COLEC12: variants seen among roughly 807,000 people sequenced by gnomAD.
COLEC12 encodes the protein collectin-12.
Under a neutral mutation model 71.1 loss-of-function variants are expected in COLEC12, and 33 were observed. The observed-to-expected ratio is 0.46, with a 90% CI of 0.35 to 0.62. The LOEUF is 0.62. COLEC12 is among the 20% of genes least tolerant of loss of function. COLEC12 has a pLI of 0.00. For synonymous variants in COLEC12, 350 were observed against 353.0 expected (o/e 0.99, Z 0.10); for missense variants, 765 against 916.1 (o/e 0.84, Z 2.13).
At chr18:384,711 T>A (rs1319891164) in intron 2 of COLEC12, among the ~76,000 whole-genome samples, 1 of 152,198 alleles carries the variant, frequency 6.6e-6, no homozygotes, top group Non-Finnish European at 1.5e-5. Flanking sequence ...CCATGACCTT[T>A]AAGGTCCTGT....
chr18:395,834 C>G (rs1915559497), intron 2 of COLEC12, among the ~76,000 whole-genome samples: 1 of 152,196 alleles, frequency 6.6e-6, no homozygotes, highest in Admixed American at 6.5e-5. Context: ...TTCCCCCCAT[C>G]CATCCTCTTG....
rs546212121 is a variant in COLEC12 at position 433,406 on chromosome 18, A to G, written c.58+47301T>C. Among the ~76,000 whole-genome samples the G allele has an allele frequency of 5.9e-5, 9 of 152,278 alleles. No homozygotes were observed. In the Middle Eastern group the frequency reaches 0.01, roughly 173 times the overall value. ...CCAAACCAAGGATGCCTGGGGCTTC[A>G]TCTGAGGCAGGACTGGTAAGTCCCG... On this transcript the variant is annotated intron_variant, in intron 2 of 9. Coordinates refer to ENST00000400256, the MANE Select transcript of COLEC12 (RefSeq NM_130386.3).
chr18:336,060 C>T lies in COLEC12; in HGVS notation c.1328-830G>A, dbSNP rs116386285. ...ATTTATTAAAGGCTTATATGACAAG[C>T]ACCGTGTTAAGGTATTGTGGGATAA... On this transcript the variant is annotated intron_variant, in intron 5 of 9. Transcript: ENST00000400256. 8.0e-3 allele frequency among the ~76,000 whole-genome samples: 1,226 copies of T among 152,320 alleles called. 15 individuals carry two copies. Among genetic ancestry groups the T allele is most frequent in the African/African-American group, 0.028 (1,171 of 41,558 alleles).
chr18:480,631 G>A lies in COLEC12; in HGVS notation c.58+76C>T. The A allele has an allele frequency of 1.5e-6, 2 of 1,327,496 alleles. No homozygotes were observed. The highest frequency in any genetic ancestry group is 1.7e-5 in the Admixed American group (1 of 59,628). 82.2% of individuals were successfully genotyped at this position (1,327,496 alleles called of 1,614,324 possible). A position where few individuals can be genotyped will look rare whatever the true frequency, so the allele number is the denominator to read the frequency against. Reference sequence around the variant, plus strand: ...TGCATGAAGGGCCTGCCAGTGGCCTGCCAATGGTCTCTGAGGGTTCGTGGC... The same window carrying A: ...TGCATGAAGGGCCTGCCAGTGGCCTACCAATGGTCTCTGAGGGTTCGTGGC... On this transcript the variant is annotated intron_variant, in intron 2 of 9. Transcript: ENST00000400256. The surrounding 1 kb of genome is among the most constrained non-coding windows in gnomAD (Gnocchi z 4.1).
chr18:342,813 C>T (rs1192068738), intron 5 of COLEC12, among the ~76,000 whole-genome samples: 1 of 152,158 alleles, frequency 6.6e-6, no homozygotes, highest in Non-Finnish European at 1.5e-5. Context: ...AACAACAAGA[C>T]CAGTGATAAA....
At chr18:417,522 G>A (rs1027834879) in intron 2 of COLEC12, among the ~76,000 whole-genome samples, 6 of 152,026 alleles carry the variant, frequency 3.9e-5, no homozygotes, top group East Asian at 3.9e-4. Context: ...AAGGACCACC[G>A]CCAAGCCACA....
chr18:437,155 G>C lies in COLEC12; in HGVS notation c.58+43552C>G, dbSNP rs142515056. Among the ~76,000 whole-genome samples the C allele has an allele frequency of 3.6e-4, 55 of 152,262 alleles. 1 individual carries two copies. The highest frequency in any genetic ancestry group is 1.3e-3 in the African/African-American group (53 of 41,554). ...GCCCAACCAAGGCCTCTCTTACCAGGACCCTACATTTTCAGAAAATAGCTC... is the reference window on the plus strand; with the variant it reads ...GCCCAACCAAGGCCTCTCTTACCAGCACCCTACATTTTCAGAAAATAGCTC... On this transcript the variant is annotated intron_variant, in intron 2 of 9. Transcript: ENST00000400256.
At chr18:395,312 T>A (rs1915546821) in intron 2 of COLEC12, among the ~76,000 whole-genome samples, 1 of 152,208 alleles carries the variant, frequency 6.6e-6, no homozygotes, top group Admixed American at 6.5e-5. Context: ...GCACATTTAG[T>A]TGAGAGTGTT....
At chr18:402,935 G>T (rs187588972) in intron 2 of COLEC12, among the ~76,000 whole-genome samples, 1 of 152,232 alleles carries the variant, frequency 6.6e-6, no homozygotes, top group Non-Finnish European at 1.5e-5. Flanking sequence ...CCCTTCAAAA[G>T]GGGTTTTCAA....
chr18:321,796 G>A lies in COLEC12; in HGVS notation c.2075C>T (p.Ala692Val), dbSNP rs1390595699. ...ATGACCCCAGTTATCCGGCTGTCCA[G>A]CTTTCCAATTTCTTTTAGCAAAACA... ...GTSPDYKNWKAGQPDNWGHGH... is the reference protein window; with the variant it reads ...GTSPDYKNWKVGQPDNWGHGH... Residue 692 changes from alanine to valine, a missense_variant, in exon 9 of 10, where the codon GCT becomes GTT. Transcript: ENST00000400256. 1 of 1,613,352 alleles carries A rather than the reference G, an allele frequency of 6.2e-7. No individual in the cohort carries two copies. The highest frequency in any genetic ancestry group is 2.2e-5 in the East Asian group (1 of 44,890).
chr18:472,678 CAAAAA>C (rs765169609), intron 2 of COLEC12, among the ~76,000 whole-genome samples: 39 of 93,644 alleles, frequency 4.2e-4, no homozygotes, highest in African/African-American at 1.4e-3. Context: ...GGCCCTGTGA[CAAAAA>C]AAAAAAAAAA....
At position 500,127 on chromosome 18, in the gene COLEC12, C is replaced by T. The variant is rs913167327; in HGVS notation, c.7+381G>A. Among the ~76,000 whole-genome samples, 1 of 148,492 alleles carries T rather than the reference C, an allele frequency of 6.7e-6. No individual in the cohort carries two copies. The highest frequency in any genetic ancestry group is 2.5e-5 in the African/African-American group (1 of 40,612). On this transcript the variant is annotated intron_variant, in intron 1 of 9. Transcript: ENST00000400256. This position sits in a 1 kb window ranked among gnomAD's most constrained non-coding sequence, Gnocchi z 5.3. ...GCGGGAGGAGAGAGGACTGGGCGAG[C>T]GTGGGGAGCGCTGCGGCGTGGAAAA...
intron 2 of COLEC12, among the ~76,000 whole-genome samples, chr18:478,753 T>C (rs1917351547): frequency 6.6e-6 from 1 of 152,254 alleles, no homozygotes; most frequent in African/African-American, 2.4e-5. Flanking sequence ...GGAATGTCTC[T>C]TTCATAGACT....
chr18:493,987 T>TA (rs902889866), intron 1 of COLEC12, among the ~76,000 whole-genome samples: 83 of 148,158 alleles, frequency 5.6e-4, no homozygotes, highest in South Asian at 1.7e-3. Context: ...GCAATAGTAC[T>TA]AAAAAAAAAA....
intron 2 of COLEC12, among the ~76,000 whole-genome samples, chr18:437,616 A>T (rs1916433092): frequency 6.6e-6 from 1 of 152,222 alleles, no homozygotes; most frequent in African/African-American, 2.4e-5. Flanking sequence ...ACGATTAGAA[A>T]GGACAGGAAA....
intron 2 of COLEC12, among the ~76,000 whole-genome samples, chr18:389,000 G>A (rs114165618): frequency 0.014 from 2,204 of 152,122 alleles, 57 homozygotes; most frequent in African/African-American, 0.051. Context: ...ATCAGGTGTG[G>A]GAAGGAAAGC....
At chr18:484,478 G>C (rs1482622067) in intron 1 of COLEC12, among the ~76,000 whole-genome samples, 1 of 152,172 alleles carries the variant, frequency 6.6e-6, no homozygotes, top group Non-Finnish European at 1.5e-5. Flanking sequence ...TAAAATTAGA[G>C]AGAAAATCAC....
chr18:466,481 CTT>C (rs1917090676), intron 2 of COLEC12, among the ~76,000 whole-genome samples: 1 of 152,086 alleles, frequency 6.6e-6, no homozygotes, highest in Non-Finnish European at 1.5e-5. Flanking sequence ...TGACTTACTG[CTT>C]GATTTGGGGT....
intron 8 of COLEC12, among the ~76,000 whole-genome samples, chr18:328,069 C>T (rs574818689): frequency 3.3e-5 from 5 of 152,172 alleles, no homozygotes; most frequent in African/African-American, 1.2e-4. Flanking sequence ...AACTCCTGGC[C>T]TCAAATGATA....
Sources: allele counts gnomAD v4.1 joint callset (sites outside exome capture counted in the v4.1 genomes callset), GRCh38; gene constraint gnomAD v4.1.1; non-coding constraint Gnocchi (gnomAD v3.1); transcripts MANE v1.5; gene names NCBI Gene and HGNC (gene_info 2026-07-23, HGNC 2026-07-21).